The following ADGRD1 variants were observed in gnomAD, a reference collection of about 807,000 sequenced individuals.
ADGRD1 encodes adhesion G protein-coupled receptor D1.
A neutral mutation model predicts 113.4 loss-of-function variants in ADGRD1; 77 were observed. The ratio of observed to expected loss-of-function variants is 0.68; its 90% confidence interval spans 0.57 to 0.82. The LOEUF (loss-of-function observed/expected upper bound fraction) is 0.82, where lower values mean the gene tolerates loss of function less well. Ranked by LOEUF, ADGRD1 falls within the 40% of genes least tolerant of loss-of-function variation. ADGRD1 has a pLI of 0.00. For synonymous variants in ADGRD1, 474 were observed against 475.0 expected, an observed-to-expected ratio of 1.00 and a Z score of 0.03; for missense variants, 1,036 against 1,139.1, an observed-to-expected ratio of 0.91 and a Z score of 1.30.
chr12:130,954,746 G>T lies in ADGRD1; in HGVS notation c.103+86G>T. 7.5e-7 allele frequency: 1 copy of T among 1,329,576 alleles called. No homozygotes were observed. Among genetic ancestry groups the T allele is most frequent in the South Asian group, 1.2e-5 (1 of 84,630 alleles). The allele number at this position is 1,329,576 out of a possible 1,614,324, so 82.4% of individuals were successfully genotyped here. A position where few individuals can be genotyped will look rare whatever the true frequency, so the allele number is the denominator to read the frequency against. On this transcript the variant is annotated intron_variant, in intron 2 of 24. Transcript: ENST00000261654. The surrounding 1 kb of genome is among the most constrained non-coding windows in gnomAD (Gnocchi z 4.7). ...AGGAACAGCCCACTTGTTCATCTCT[G>T]AGGCATCAGCGAATGGCCCTTGTTG... is the stretch of plus-strand genomic sequence containing the variant.
rs1423863495 is a variant in ADGRD1 at position 131,129,421 on chromosome 12, C to A, written c.2176-2304C>A. Among the ~76,000 whole-genome samples, 13 of 134,124 alleles carry A rather than the reference C, an allele frequency of 9.7e-5. No homozygotes were observed. The East Asian group carries it at 2.9e-3, about 30-fold the overall frequency. The allele number at this position is 134,124 out of a possible 152,430, so 88.0% of individuals were successfully genotyped here. ...CGCCCTGCTGTCTGGGTGTGAGTGA[C>A]AGGCCCGCCCTGCTGTCTGGGTGTG... On this transcript the variant is annotated intron_variant, in intron 20 of 24. Coordinates refer to ENST00000261654, the MANE Select transcript of ADGRD1 (RefSeq NM_198827.5).
intron 13 of ADGRD1, among the ~76,000 whole-genome samples, chr12:131,042,611 G>C (rs1366666329): frequency 1.3e-5 from 2 of 152,190 alleles, no homozygotes; most frequent in Admixed American, 6.5e-5. Flanking sequence ...ACTCCCACCA[G>C]GTAGCAGCCT....
At chr12:131,009,095 G>T (rs748939722) in intron 12 of ADGRD1, among the ~76,000 whole-genome samples, 27 of 152,240 alleles carry the variant, frequency 1.8e-4, no homozygotes, top group Non-Finnish European at 3.5e-4. Context: ...GTCGGAGGGT[G>T]CCTGGTGATG....
intron 20 of ADGRD1, among the ~76,000 whole-genome samples, chr12:131,128,505 T>G (rs912220634): frequency 6.6e-6 from 1 of 152,224 alleles, no homozygotes; most frequent in Non-Finnish European, 1.5e-5. Flanking sequence ...TATTTCCTTT[T>G]AATTTATAAT....
At chr12:130,999,821 T>C (rs7978485) in intron 8 of ADGRD1, among the ~76,000 whole-genome samples, 72,414 of 151,988 alleles carry the variant, frequency 0.48, 17,801 homozygotes, top group African/African-American at 0.57. Flanking sequence ...AGTAGAAAAT[T>C]CACGTTTTCA....
chr12:130,975,611 T>G (rs1397720932), intron 4 of ADGRD1, among the ~76,000 whole-genome samples: 1 of 152,198 alleles, frequency 6.6e-6, no homozygotes, highest in Non-Finnish European at 1.5e-5. Context: ...GGGAACTGAT[T>G]GCATAAAATC....
Position 130,982,082 on chromosome 12 carries a change from C to G in ADGRD1, c.490+19C>G. 6.2e-7 allele frequency: 1 copy of G among 1,606,252 alleles called. No individual in the cohort carries two copies. Among genetic ancestry groups the G allele is most frequent in the Non-Finnish European group, 8.5e-7 (1 of 1,175,074 alleles). On this transcript the variant is annotated intron_variant, in intron 5 of 24. Coordinates refer to ENST00000261654, the MANE Select transcript of ADGRD1 (RefSeq NM_198827.5). The stretch of plus-strand genomic sequence containing the variant: ...CCCCCAGGTGAGTGACAGCATCGGT[C>G]CCGGGAGGCTCTGCCTGGAGGAGTG...
intron 8 of ADGRD1, among the ~76,000 whole-genome samples, chr12:130,992,756 C>T (rs528109650): frequency 1.5e-4 from 23 of 152,376 alleles, no homozygotes; most frequent in African/African-American, 5.5e-4. Flanking sequence ...CTGGCAGATC[C>T]AGCCGTGGGG....
intron 15 of ADGRD1, among the ~76,000 whole-genome samples, chr12:131,097,625 C>T (rs2137284392): frequency 6.6e-6 from 1 of 152,300 alleles, no homozygotes; most frequent in Middle Eastern, 3.4e-3. Context: ...CCTGGTCACT[C>T]GTGCTGTCCA....
intron 12 of ADGRD1, among the ~76,000 whole-genome samples, chr12:131,010,312 G>C (rs1877711202): frequency 6.6e-6 from 1 of 152,214 alleles, no homozygotes. Flanking sequence ...GGGATTCCTT[G>C]AGCACACAGG....
At chr12:131,059,372 G>A (rs1217173737) in intron 13 of ADGRD1, among the ~76,000 whole-genome samples, 1 of 152,166 alleles carries the variant, frequency 6.6e-6, no homozygotes, top group East Asian at 1.9e-4. Flanking sequence ...GTAGAGATGG[G>A]GTTTCACCAT....
intron 18 of ADGRD1, among the ~76,000 whole-genome samples, chr12:131,117,817 TC>T: frequency 6.6e-6 from 1 of 152,332 alleles, no homozygotes; most frequent in South Asian, 2.1e-4. Flanking sequence ...GTCCCCTCAG[TC>T]CCAGCTGATC....
At chr12:130,988,772 CTTCT>C (rs10580338) in intron 6 of ADGRD1, 119,935 of 151,850 alleles carry the variant, frequency 0.79, 48,989 homozygotes, top group East Asian at 0.95. Flanking sequence ...AAAGAGGGAG[CTTCT>C]TTCTCTTATC....
chr12:131,037,844 G>T (rs1881688370), intron 13 of ADGRD1, among the ~76,000 whole-genome samples: 1 of 146,764 alleles, frequency 6.8e-6, no homozygotes, highest in African/African-American at 2.5e-5. Context: ...CTCACTCACT[G>T]CACCGGGTCT....
At chr12:130,997,188 A>ACC (rs36044466) in intron 8 of ADGRD1, among the ~76,000 whole-genome samples, 1,669 of 20,770 alleles carry the variant, frequency 0.08, 302 homozygotes, top group African/African-American at 0.11. Context: ...CGGGGGGCTG[A>ACC]CCCCCCCCCC....
At chr12:131,137,300 C>T (rs566672326) in intron 23 of ADGRD1, among the ~76,000 whole-genome samples, 8 of 152,348 alleles carry the variant, frequency 5.3e-5, no homozygotes, top group Admixed American at 3.3e-4. Flanking sequence ...CAGTCCTCCT[C>T]GAGGGCCTTG....
At chr12:131,088,940 T>C (rs1296900193) in intron 15 of ADGRD1, among the ~76,000 whole-genome samples, 2 of 152,088 alleles carry the variant, frequency 1.3e-5, no homozygotes, top group African/African-American at 4.8e-5. Flanking sequence ...GACCCCACAT[T>C]CAGGGGGTCT....
rs1886342011 is a variant in ADGRD1, at chr12:131,084,842, A to G, written c.1671+179A>G. ...TTCTGTAGTCCAGGGTCCTGCATGT[A>G]TTGGGTGCCAGCAAATATCCGAGGA... On this transcript the variant is annotated intron_variant, in intron 15 of 24. Transcript: ENST00000261654. The surrounding 1 kb of genome is among the most constrained non-coding windows in gnomAD (Gnocchi z 4.5). 1.3e-5 allele frequency among the ~76,000 whole-genome samples: 2 copies of G among 152,160 alleles called. No homozygotes were observed. The highest frequency in any genetic ancestry group is 4.1e-4 in the South Asian group (2 of 4,822).
At chr12:131,068,648 A>G (rs1040872516) in intron 13 of ADGRD1, among the ~76,000 whole-genome samples, 1 of 152,216 alleles carries the variant, frequency 6.6e-6, no homozygotes, top group Non-Finnish European at 1.5e-5. Context: ...GGCATTAGCA[A>G]TGCTTTCCCC....
Sources: allele counts gnomAD v4.1 joint callset (sites outside exome capture counted in the v4.1 genomes callset), GRCh38; gene constraint gnomAD v4.1.1; non-coding constraint Gnocchi (gnomAD v3.1); transcripts MANE v1.5; gene names NCBI Gene and HGNC (gene_info 2026-07-23, HGNC 2026-07-21).